FRMD4A: variants seen among roughly 807,000 people sequenced by gnomAD.
FRMD4A encodes FERM domain-containing protein 4A.
In FRMD4A, 29 loss-of-function variants were observed where a neutral mutation model predicts 129.1. That is an observed-to-expected ratio of 0.22 (90% CI 0.17 to 0.31). FRMD4A has a LOEUF of 0.31. Ranked by LOEUF, FRMD4A falls within the 10% of genes least tolerant of loss-of-function variation. The probability of loss-of-function intolerance (pLI) is 1.00; values close to 1 mark genes in which losing one functional copy is unlikely to be tolerated. For missense variants in FRMD4A, 1,272 were observed against 1,375.8 expected (o/e 0.92, Z 1.19); for synonymous variants, 634 against 571.6 (o/e 1.11, Z -1.56).
chr10:13,833,272 A>C (rs10906508), intron 3 of FRMD4A, among the ~76,000 whole-genome samples: 47,639 of 152,080 alleles, frequency 0.31, 8,228 homozygotes, highest in East Asian at 0.61. Flanking sequence ...GAGCAAGAGA[A>C]GTCTTACATG....
intron 2 of FRMD4A, among the ~76,000 whole-genome samples, chr10:13,984,549 C>T (rs2095574252): frequency 6.6e-6 from 1 of 152,192 alleles, no homozygotes; most frequent in South Asian, 2.1e-4. Context: ...CTCCCCTCTC[C>T]ATCTTCTGGT....
At chr10:14,241,395 G>A (rs1458672718) in intron 2 of FRMD4A, among the ~76,000 whole-genome samples, 2 of 151,984 alleles carry the variant, frequency 1.3e-5, no homozygotes, top group African/African-American at 4.8e-5. Flanking sequence ...AACCTTTTTT[G>A]TGATTGTCAG....
At chr10:13,648,668 C>A (rs2081308358) in intron 24 of FRMD4A, 1 of 152,186 alleles carries the variant, frequency 6.6e-6, no homozygotes, top group Non-Finnish European at 1.5e-5. Flanking sequence ...GAAGGAGACC[C>A]AGCCAGCCCG....
chr10:13,833,283 G>A (rs900071736), intron 3 of FRMD4A, among the ~76,000 whole-genome samples: 2 of 152,202 alleles, frequency 1.3e-5, no homozygotes, highest in Non-Finnish European at 1.5e-5. Flanking sequence ...GTCTTACATG[G>A]TGGCAGGCAA....
chr10:13,657,283 G>A lies in FRMD4A; in HGVS notation c.2306C>T (p.Ser769Phe). 6.2e-7 allele frequency: 1 copy of A among 1,607,822 alleles called. No homozygotes were observed. Among genetic ancestry groups the A allele is most frequent in the Non-Finnish European group, 8.5e-7 (1 of 1,178,894 alleles). Residue 769 changes from serine (S) to phenylalanine (F), a missense_variant, in exon 22 of 25, where the codon TCC becomes TTC. Around this residue, in one of 2 missense-constraint regions of FRMD4A, gnomAD observed 972 missense variants for 892.3 expected, o/e 1.09. Coordinates refer to ENST00000357447, the MANE Select transcript of FRMD4A (RefSeq NM_018027.5). Reference protein sequence around the residue: ...YYPAQMNANYSTLAEDSPSKA... With the variant: ...YYPAQMNANYFTLAEDSPSKA... Reference sequence around the variant, plus strand: ...GGACGGCGAGTCCTCGGCCAGCGTGGAGTAGTTGGCGTTCATCTGCGCCGG... The same window carrying A: ...GGACGGCGAGTCCTCGGCCAGCGTGAAGTAGTTGGCGTTCATCTGCGCCGG...
intron 2 of FRMD4A, among the ~76,000 whole-genome samples, chr10:13,967,507 A>G (rs1470965771): frequency 6.6e-6 from 1 of 152,208 alleles, no homozygotes. Context: ...AACTAACACC[A>G]CCTGTTCCCC....
At chr10:13,843,401 G>A (rs1289231691) in intron 3 of FRMD4A, among the ~76,000 whole-genome samples, 2 of 152,204 alleles carry the variant, frequency 1.3e-5, no homozygotes, top group African/African-American at 2.4e-5. Context: ...TGGACCAGCT[G>A]TGGTCTGGGG....
At chr10:13,736,978 G>A (rs1383465387) in intron 12 of FRMD4A, among the ~76,000 whole-genome samples, 2 of 152,152 alleles carry the variant, frequency 1.3e-5, no homozygotes, top group South Asian at 2.1e-4. Context: ...TTTGCAAACC[G>A]TTTTCTGTTT....
At chr10:14,081,452 C>T (rs1404143405) in intron 2 of FRMD4A, among the ~76,000 whole-genome samples, 2 of 152,112 alleles carry the variant, frequency 1.3e-5, no homozygotes, top group Non-Finnish European at 2.9e-5. Flanking sequence ...AAGGAGAACT[C>T]CTGTGCAGTG....
intron 5 of FRMD4A, among the ~76,000 whole-genome samples, chr10:13,789,773 G>GTGTGTGTGTT (rs1343733549): frequency 3.4e-4 from 49 of 143,484 alleles, no homozygotes; most frequent in African/African-American, 1.3e-3. Context: ...CTTATAATGT[G>GTGTGTGTGTT]TGTGTGTGTG....
intron 2 of FRMD4A, among the ~76,000 whole-genome samples, chr10:14,182,579 C>T (rs1033573406): frequency 9.9e-5 from 15 of 152,026 alleles, no homozygotes; most frequent in Admixed American, 2.0e-4. Context: ...TCTAATTGGC[C>T]TATCCTTCAT....
At chr10:14,304,235 A>G (rs1052388946) in intron 2 of FRMD4A, among the ~76,000 whole-genome samples, 1 of 152,202 alleles carries the variant, frequency 6.6e-6, no homozygotes, top group African/African-American at 2.4e-5. Flanking sequence ...CAGCTGCACC[A>G]TGCTACATTC....
chr10:14,248,258 C>T (rs1194816889), intron 2 of FRMD4A, among the ~76,000 whole-genome samples: 1 of 152,160 alleles, frequency 6.6e-6, no homozygotes, highest in Non-Finnish European at 1.5e-5. Context: ...CTCCCATCAA[C>T]ACTTTAAAAA....
At chr10:14,086,306 A>G (rs1374361531) in intron 2 of FRMD4A, among the ~76,000 whole-genome samples, 1 of 152,236 alleles carries the variant, frequency 6.6e-6, no homozygotes, top group Non-Finnish European at 1.5e-5. Context: ...TAGACTGAAC[A>G]TGTAATTAAT....
chr10:14,123,302 G>A (rs1838642434), intron 2 of FRMD4A, among the ~76,000 whole-genome samples: 1 of 152,154 alleles, frequency 6.6e-6, no homozygotes, highest in South Asian at 2.1e-4. Flanking sequence ...CTCCCTGCAG[G>A]CACAGGCTTG....
At chr10:13,865,084 C>T (rs2094347854) in intron 2 of FRMD4A, among the ~76,000 whole-genome samples, 1 of 152,170 alleles carries the variant, frequency 6.6e-6, no homozygotes, top group East Asian at 1.9e-4. Context: ...AATTGATCCT[C>T]CTGCCTTGGC....
At chr10:13,705,849 C>G (rs1406529058) in intron 13 of FRMD4A, among the ~76,000 whole-genome samples, 2 of 152,220 alleles carry the variant, frequency 1.3e-5, no homozygotes, top group African/African-American at 4.8e-5. Flanking sequence ...CTAACTATTC[C>G]TGTAGTAACC....
chr10:13,807,835 G>C (rs1248015503), intron 4 of FRMD4A, among the ~76,000 whole-genome samples: 1 of 139,288 alleles, frequency 7.2e-6, no homozygotes, highest in Admixed American at 7.7e-5. Flanking sequence ...GTTTTACTCT[G>C]TTGCTCAGGG....
intron 6 of FRMD4A, among the ~76,000 whole-genome samples, chr10:13,770,785 A>G (rs1184863841): frequency 6.6e-6 from 1 of 152,160 alleles, no homozygotes; most frequent in Non-Finnish European, 1.5e-5. Flanking sequence ...AGCCAAGACG[A>G]CAGATCCATG....
Sources: allele counts gnomAD v4.1 joint callset (sites outside exome capture counted in the v4.1 genomes callset), GRCh38; gene constraint gnomAD v4.1.1; regional missense constraint gnomAD v4.1.1; transcripts MANE v1.5; gene names NCBI Gene and HGNC (gene_info 2026-07-23, HGNC 2026-07-21).